The following ETS1 variants were observed in gnomAD, a reference collection of about 807,000 sequenced individuals.
ETS1 encodes ETS proto-oncogene 1, transcription factor.
A neutral mutation model predicts 58.6 loss-of-function variants in ETS1; 15 were observed. That is an observed-to-expected ratio of 0.26 (90% CI 0.17 to 0.39). The LOEUF (loss-of-function observed/expected upper bound fraction) is 0.39. Among genes scored for constraint, ETS1 ranks in the 10% least tolerant of loss-of-function variants. The pLI is 1.00. For synonymous variants in ETS1, 214 were observed against 218.2 expected (o/e 0.98, Z 0.17); for missense variants, 417 against 610.5 (o/e 0.68, Z 3.34).
chr11:128,513,233 C>G (rs960242653), intron 3 of ETS1, among the ~76,000 whole-genome samples: 1 of 152,166 alleles, frequency 6.6e-6, no homozygotes, highest in Admixed American at 6.5e-5. Flanking sequence ...TGTTGCCTAC[C>G]TCTTGAATGG....
chr11:128,491,322 T>C (rs1391835239), intron 3 of ETS1, among the ~76,000 whole-genome samples: 1 of 152,254 alleles, frequency 6.6e-6, no homozygotes, highest in South Asian at 2.1e-4. Context: ...TATCTGATTC[T>C]TGCAGTAGAT....
chr11:128,572,807 T>C (rs1263151218), intron 2 of ETS1, among the ~76,000 whole-genome samples: 1 of 152,276 alleles, frequency 6.6e-6, no homozygotes, highest in African/African-American at 2.4e-5. Context: ...GTTCATCATA[T>C]TTGAGTCATT....
intron 1 of ETS1, among the ~76,000 whole-genome samples, chr11:128,584,518 C>T (rs1045696105): frequency 3.3e-5 from 5 of 152,126 alleles, no homozygotes; most frequent in African/African-American, 9.7e-5. Flanking sequence ...TGAAGCAGTC[C>T]CTGCAAAGCA....
intron 3 of ETS1, among the ~76,000 whole-genome samples, chr11:128,506,750 G>A (rs1434844035): frequency 6.6e-6 from 1 of 152,118 alleles, no homozygotes; most frequent in East Asian, 1.9e-4. Flanking sequence ...CCGACCGTGG[G>A]AGAGGCTGGG....
In ETS1 at chr11:128,489,225, G is replaced by A. The variant is rs1474098859; in HGVS notation, c.535+65C>T. On this transcript the variant is annotated intron_variant, in intron 5 of 9. Transcript: ENST00000392668. ...GCATTGACGTCCCACCATTGGGTGA[G>A]CCCCCTACCTACTCTCACAGCAACC... 5.7e-6 allele frequency: 8 copies of A among 1,412,638 alleles called. No individual in the cohort carries two copies. The South Asian group carries it at 7.0e-5, about 12-fold the overall frequency. The allele number at this position is 1,412,638 out of a possible 1,614,324, so 87.5% of individuals were successfully genotyped here.
intron 7 of ETS1, among the ~76,000 whole-genome samples, chr11:128,482,541 AAACCAAGCCAG>A (rs1292192732): frequency 6.6e-6 from 1 of 152,206 alleles, no homozygotes; most frequent in Non-Finnish European, 1.5e-5. Context: ...CAAGGGGACT[AAACCAAGCCAG>A]AACCAGTCTC....
At chr11:128,582,016 A>G (rs1178230128) in intron 1 of ETS1, among the ~76,000 whole-genome samples, 1 of 152,166 alleles carries the variant, frequency 6.6e-6, no homozygotes, top group African/African-American at 2.4e-5. Flanking sequence ...GTGGAGTTTC[A>G]TTTGTTTTAT....
At chr11:128,471,325 A>G (rs1034022272) in intron 8 of ETS1, among the ~76,000 whole-genome samples, 1 of 152,244 alleles carries the variant, frequency 6.6e-6, no homozygotes, top group African/African-American at 2.4e-5. Flanking sequence ...GTCTGAGAAC[A>G]AGACAGTTAC....
chr11:128,467,733 C>T (rs1047355826), intron 8 of ETS1, among the ~76,000 whole-genome samples: 3 of 152,144 alleles, frequency 2.0e-5, no homozygotes, highest in Non-Finnish European at 4.4e-5. Flanking sequence ...TCAACAGCAC[C>T]CTTCACGATG....
intron 3 of ETS1, among the ~76,000 whole-genome samples, chr11:128,491,425 G>A (rs552654366): frequency 6.6e-6 from 1 of 152,198 alleles, no homozygotes; most frequent in Non-Finnish European, 1.5e-5. Context: ...ACGTTAATGT[G>A]CAACAGGAAT....
chr11:128,534,250 A>C (rs908546648), intron 3 of ETS1, among the ~76,000 whole-genome samples: 1 of 152,194 alleles, frequency 6.6e-6, no homozygotes, highest in Non-Finnish European at 1.5e-5. Flanking sequence ...TTAGACCATA[A>C]AAAATTTCCT....
intron 1 of ETS1, among the ~76,000 whole-genome samples, chr11:128,574,368 A>G (rs957943347): frequency 3.3e-5 from 5 of 152,208 alleles, no homozygotes; most frequent in Admixed American, 1.3e-4. Context: ...TTAGTTTTAA[A>G]AAATTAACTA....
rs148953688 is a variant in ETS1, at chr11:128,547,657, C to T, written c.214+8634G>A. ...GTTTTTTTGGTTTTTTTTTTTAATC[C>T]CACCTAACAGAGATCCCAAAGTCCT... On this transcript the variant is annotated intron_variant, in intron 3 of 9. Transcript: ENST00000392668. Among the ~76,000 whole-genome samples the T allele has an allele frequency of 5.4e-3, 825 of 151,580 alleles. 12 individuals are homozygous for T. Among genetic ancestry groups the T allele is most frequent in the African/African-American group, 0.018 (749 of 41,326 alleles).
chr11:128,479,098 A>G (rs949261139), intron 8 of ETS1, among the ~76,000 whole-genome samples: 2 of 152,220 alleles, frequency 1.3e-5, no homozygotes, highest in African/African-American at 4.8e-5. Flanking sequence ...TAAGTTTTCA[A>G]GCATTTGAGT....
chr11:128,462,780 G>C (rs1039063987), intron 9 of ETS1, among the ~76,000 whole-genome samples: 2 of 152,120 alleles, frequency 1.3e-5, no homozygotes, highest in African/African-American at 4.8e-5. Flanking sequence ...GCAAGGATGG[G>C]AGTCACAATG....
intron 3 of ETS1, among the ~76,000 whole-genome samples, chr11:128,508,128 T>C (rs1647630262): frequency 1.3e-5 from 2 of 152,078 alleles, no homozygotes; most frequent in Admixed American, 1.3e-4. Context: ...GCCCACTTGG[T>C]TATGGAGGTG....
chr11:128,533,755 T>C (rs961375787), intron 3 of ETS1, among the ~76,000 whole-genome samples: 45 of 152,348 alleles, frequency 3.0e-4, no homozygotes, highest in African/African-American at 1.1e-3. Context: ...AGGTTTCCAA[T>C]GGGGCGCTTA....
chr11:128,565,029 C>CAAATAAATAAATAAATAAATAAATAAAT (rs6144562), intron 2 of ETS1, among the ~76,000 whole-genome samples: 5 of 144,514 alleles, frequency 3.5e-5, no homozygotes, highest in Non-Finnish European at 6.1e-5. Flanking sequence ...CACCAAATAT[C>CAAATAAATAAATAAATAAATAAATAAAT]AAATAAATAA....
intron 3 of ETS1, among the ~76,000 whole-genome samples, chr11:128,525,146 G>T (rs1403122953): frequency 6.6e-6 from 1 of 152,058 alleles, no homozygotes; most frequent in Non-Finnish European, 1.5e-5. Context: ...TTAGACTTCG[G>T]CTAATTATAT....
Sources: gnomAD v4.1 joint callset for allele counts (sites outside exome capture counted in the v4.1 genomes callset) on GRCh38, gnomAD v4.1.1 for gene constraint, MANE v1.5 for transcripts, NCBI Gene and HGNC (gene_info 2026-07-23, HGNC 2026-07-21) for gene names.